OSGEP: variants seen among roughly 807,000 people sequenced by gnomAD.
OSGEP encodes the protein tRNA N6-adenosine threonylcarbamoyltransferase.
Under a neutral mutation model 44.1 loss-of-function variants are expected in OSGEP, and 39 were observed. The observed-to-expected ratio is 0.88, with a 90% CI of 0.69 to 1.16. OSGEP has a LOEUF of 1.16. OSGEP is among the 50% of genes most tolerant of loss of function. OSGEP has a pLI of 0.00. For synonymous variants in OSGEP, 139 were observed against 161.9 expected (o/e 0.86, Z 1.07); for missense variants, 403 against 443.1 (o/e 0.91, Z 0.81).
intron 3 of OSGEP, chr14:20,451,360 G>A: frequency 3.6e-6 from 1 of 275,832 alleles, no homozygotes; most frequent in South Asian, 3.0e-5. Context: ...AGGCTGGAAT[G>A]CAATGGTGCG....
At chr14:20,449,351 A>G in intron 3 of OSGEP, 85 bp from the exon 4 acceptor site, 3 of 816,922 alleles carry the variant, frequency 3.7e-6, no homozygotes, top group South Asian at 2.8e-5. Flanking sequence ...CAGAGGATCA[A>G]CATGACCACC....
At chr14:20,448,411 A>C (rs1330071375) in intron 6 of OSGEP, among the ~76,000 whole-genome samples, 2 of 152,130 alleles carry the variant, frequency 1.3e-5, no homozygotes, top group South Asian at 2.1e-4. Context: ...TATCCTGCTT[A>C]ATTTTTCACC....
chr14:20,449,959 T>A (rs957328741), intron 3 of OSGEP: 1 of 152,068 alleles, frequency 6.6e-6, no homozygotes, highest in East Asian at 1.9e-4. Context: ...GAAGCAGAGC[T>A]GAAGAACTCA....
At position 20,454,560 on chromosome 14, in the gene OSGEP, C is replaced by T. The variant is rs1396920460; in HGVS notation, c.115+9G>A. The T allele has an allele frequency of 3.1e-6, 5 of 1,598,614 alleles. No individual in the cohort carries two copies. Among genetic ancestry groups the T allele is most frequent in the African/African-American group, 1.3e-5 (1 of 74,744 alleles). ...GCGCGGAAAACTCTTAAGTCCCCTA[C>T]TCACCAACCTGTGCCAGGAGGCGTG... On this transcript the variant is annotated intron_variant, in intron 1 of 10. Transcript: ENST00000206542.
intron 6 of OSGEP, among the ~76,000 whole-genome samples, chr14:20,448,508 G>A (rs907934646): frequency 6.6e-6 from 1 of 151,768 alleles, no homozygotes; most frequent in African/African-American, 2.4e-5. Context: ...CATGTAGACA[G>A]GGATTTTTGT....
intron 3 of OSGEP, chr14:20,450,309 G>A (rs1246061529): frequency 2.0e-5 from 3 of 152,232 alleles, no homozygotes; most frequent in South Asian, 2.1e-4. Context: ...GGCTTCCTAC[G>A]AACCTTAAGA....
At chr14:20,448,632 A>T (rs371517924) in intron 6 of OSGEP, 101 bp downstream of exon 6, 10 of 803,908 alleles carry the variant, frequency 1.2e-5, no homozygotes, top group Middle Eastern at 2.3e-4. Flanking sequence ...GTACTGTGCT[A>T]CATGAATATA....
chr14:20,451,906 T>C lies in OSGEP; in HGVS notation c.411+68A>G, dbSNP rs190546086. The C allele has an allele frequency of 1.9e-3, 2,598 of 1,341,472 alleles. 6 individuals carry two copies. Among genetic ancestry groups the C allele is most frequent in the Admixed American group, 4.7e-3 (194 of 41,712 alleles). 83.1% of individuals were successfully genotyped at this position (1,341,472 alleles called of 1,614,324 possible). ...GTTCCTGACATTCCCATGACTCAGA[T>C]AGAACAAAGAAAATACTGGTTCAGT... On this transcript the variant is annotated intron_variant, in intron 3 of 10. Transcript: ENST00000206542.
chr14:20,449,553 A>C, intron 3 of OSGEP: 2 of 353,750 alleles, frequency 5.7e-6, no homozygotes, highest in South Asian at 2.9e-5. Flanking sequence ...TTCCTAATAT[A>C]TCCCTTAAAT....
Position 20,452,422 on chromosome 14 carries a change from G to A in OSGEP, c.142C>T (p.His48Tyr), listed in dbSNP as rs1302512217. Reference protein sequence around the residue: ...TGFLPGDTARHHRAVILDLLQ... With the variant: ...TGFLPGDTARYHRAVILDLLQ... Reference sequence around the variant, plus strand: ...AGGTCTAGGATAACAGCTCGGTGATGCCTGGCTGTATCACCTGGAAGGAAT... The same window carrying A: ...AGGTCTAGGATAACAGCTCGGTGATACCTGGCTGTATCACCTGGAAGGAAT... Residue 48 changes from histidine to tyrosine, a missense_variant, in exon 2 of 11, where the codon CAT becomes TAT. Transcript: ENST00000206542. 1.2e-6 allele frequency: 2 copies of A among 1,612,888 alleles called. No homozygotes were observed. Among genetic ancestry groups the A allele is most frequent in the African/African-American group, 2.7e-5 (2 of 75,030 alleles).
chr14:20,446,785 T>A lies in OSGEP; in HGVS notation c.*455A>T, dbSNP rs1354805264. ...CAAAGAATTTAAATGAGAGAATGAA[T>A]GTAAAGCAGTTAGCACGGGACCCGA... On this transcript the variant is annotated 3_prime_UTR_variant, in exon 11 of 11. Coordinates refer to ENST00000206542, the MANE Select transcript of OSGEP (RefSeq NM_017807.4). The A allele has an allele frequency of 1.9e-5, 3 of 161,526 alleles. No individual in the cohort carries two copies. The highest frequency in any genetic ancestry group is 7.2e-5 in the African/African-American group (3 of 41,600). 10.0% of individuals were successfully genotyped at this position (161,526 alleles called of 1,614,324 possible). A position where few individuals can be genotyped will look rare whatever the true frequency, so the allele number is the denominator to read the frequency against.
chr14:20,449,814 T>C (rs944929897), intron 3 of OSGEP: 12 of 158,670 alleles, frequency 7.6e-5, no homozygotes, highest in Admixed American at 2.4e-4. Context: ...TTTGTAGAGA[T>C]GGGGGTCTCA....
intron 1 of OSGEP, among the ~76,000 whole-genome samples, chr14:20,453,920 G>A (rs975071341): frequency 6.6e-6 from 1 of 152,038 alleles, no homozygotes; most frequent in African/African-American, 2.4e-5. Context: ...TTGGGAGGCT[G>A]GGGTAGAAGA....
At position 20,448,546 on chromosome 14, in the gene OSGEP, T is replaced by C. The variant is rs3120073; in HGVS notation, c.636+187A>G. 0.23 allele frequency among the ~76,000 whole-genome samples: 35,159 copies of C among 152,060 alleles called. 4,240 individuals carry two copies. The highest frequency in any genetic ancestry group is 0.26 in the Non-Finnish European group (17,767 of 67,972). On this transcript the variant is annotated intron_variant, in intron 6 of 10. Coordinates refer to ENST00000206542, the MANE Select transcript of OSGEP (RefSeq NM_017807.4). ...TGCTCCATGCTGCATCTCTACTATC[T>C]AGAACAGCATGTGGCACACAGAGAT...
At chr14:20,449,085 G>A (rs1656554312) in intron 4 of OSGEP, 72 bp from the exon 5 acceptor site, 7 of 1,499,566 alleles carry the variant, frequency 4.7e-6, no homozygotes, top group Non-Finnish European at 5.6e-6. Context: ...AGCATAAGAA[G>A]CTCATTTACT....
Position 20,454,685 on chromosome 14 carries a change from G to A in OSGEP, c.-2C>T, listed in dbSNP as rs1041475627. ...TTCAAAACCCAGCACCGCCGGCATG[G>A]CGGAGGCTGGGAGAAAACGCCGACA... is the stretch of plus-strand genomic sequence containing the variant. On this transcript the variant is annotated 5_prime_UTR_variant, in exon 1 of 11. Transcript: ENST00000206542. 2 of 1,610,872 alleles carry A rather than the reference G, an allele frequency of 1.2e-6. No individual in the cohort carries two copies. Among genetic ancestry groups the A allele is most frequent in the South Asian group, 1.1e-5 (1 of 91,012 alleles).
At chr14:20,448,680 A>G in intron 6 of OSGEP, 53 bp downstream of exon 6, 1 of 1,232,302 alleles carries the variant, frequency 8.1e-7, no homozygotes, top group Non-Finnish European at 1.2e-6. Context: ...TAAAACAGAT[A>G]TGCTTCATTT....
chr14:20,453,542 ATTT>A (rs1197241469), intron 1 of OSGEP, among the ~76,000 whole-genome samples: 1 of 151,216 alleles, frequency 6.6e-6, no homozygotes. Flanking sequence ...AATTTTTTGT[ATTT>A]TTTAGTGGAA....
Position 20,449,446 on chromosome 14 carries a change from G to A in OSGEP, c.412-180C>T, listed in dbSNP as rs559870187. 5.1e-5 allele frequency: 30 copies of A among 588,314 alleles called. No homozygotes were observed. In the East Asian group the frequency reaches 8.8e-4, roughly 17 times the overall value. 36.4% of individuals were successfully genotyped at this position (588,314 alleles called of 1,614,324 possible). A position where few individuals can be genotyped will look rare whatever the true frequency, so the allele number is the denominator to read the frequency against. On this transcript the variant is annotated intron_variant, in intron 3 of 10. Transcript: ENST00000206542. Reference sequence around the variant, plus strand: ...ACAGCTCTGATTTGAGAAGAAATCTGTATACCCTGAGGATTCCAGGAACAG... The same window carrying A: ...ACAGCTCTGATTTGAGAAGAAATCTATATACCCTGAGGATTCCAGGAACAG...
Sources: allele counts gnomAD v4.1 joint callset (sites outside exome capture counted in the v4.1 genomes callset), GRCh38; gene constraint gnomAD v4.1.1; transcripts MANE v1.5; gene names NCBI Gene and HGNC (gene_info 2026-07-23, HGNC 2026-07-21).